The following WDPCP variants were observed in gnomAD, a reference collection of about 807,000 sequenced individuals.
The protein encoded by WDPCP is WD repeat-containing and planar cell polarity effector protein fritz homolog.
Under a neutral mutation model 93.1 loss-of-function variants are expected in WDPCP, and 71 were observed. The observed-to-expected ratio is 0.76, with a 90% confidence interval of 0.63 to 0.93. WDPCP has a LOEUF of 0.93. Among genes scored for constraint, WDPCP ranks in the 40% least tolerant of loss-of-function variants. WDPCP has a pLI of 0.00. For synonymous variants in WDPCP, 315 were observed against 315.0 expected (o/e 1.00, Z 0.00); for missense variants, 844 against 887.4 (o/e 0.95, Z 0.62).
intron 9 of WDPCP, among the ~76,000 whole-genome samples, chr2:63,415,775 C>A (rs1695371133): frequency 6.6e-6 from 1 of 152,046 alleles, no homozygotes; most frequent in Non-Finnish European, 1.5e-5. Flanking sequence ...GCTGAGGGAG[C>A]CCCCACAGAA....
intron 1 of WDPCP, among the ~76,000 whole-genome samples, chr2:63,494,284 T>TAATGACGAC (rs1701074223): frequency 2.7e-5 from 1 of 37,646 alleles, no homozygotes; most frequent in Non-Finnish European, 4.2e-5. Flanking sequence ...ATGATGATGA[T>TAATGACGAC]GATGACGACG....
chr2:63,472,758 C>T (rs1473713325), intron 6 of WDPCP, among the ~76,000 whole-genome samples: 2 of 152,070 alleles, frequency 1.3e-5, no homozygotes, highest in Admixed American at 6.6e-5. Context: ...CAGGGTTTTG[C>T]CACATTGGCC....
intron 1 of WDPCP, among the ~76,000 whole-genome samples, chr2:63,587,443 G>C (rs1044718082): frequency 2.6e-5 from 4 of 152,126 alleles, no homozygotes; most frequent in Non-Finnish European, 5.9e-5. Flanking sequence ...TAAAAGTAAA[G>C]CATTACATTT....
intron 2 of WDPCP, among the ~76,000 whole-genome samples, chr2:63,750,865 C>T (rs1322445117): frequency 6.6e-6 from 1 of 151,926 alleles, no homozygotes; most frequent in Non-Finnish European, 1.5e-5. Flanking sequence ...ATATATATTG[C>T]TGCAATCAAT....
chr2:63,475,318 T>C (rs565260137), intron 6 of WDPCP, among the ~76,000 whole-genome samples: 141 of 152,154 alleles, frequency 9.3e-4, no homozygotes, highest in Non-Finnish European at 5.9e-4. Flanking sequence ...CCTTTCTCTT[T>C]CTGCTTGCCT....
chr2:63,603,697 G>A (rs1321654162), intron 3 of WDPCP, among the ~76,000 whole-genome samples: 6 of 122,026 alleles, frequency 4.9e-5, no homozygotes, highest in African/African-American at 1.9e-4. Context: ...TCGCTGCATC[G>A]CCCATGCTGG....
At chr2:63,298,153 G>C (rs768481992) in intron 13 of WDPCP, among the ~76,000 whole-genome samples, 22 of 152,150 alleles carry the variant, frequency 1.4e-4, no homozygotes, top group Non-Finnish European at 3.1e-4. Context: ...AGTCCAATTA[G>C]AGGGTAAGTA....
chr2:63,138,366 G>A (rs547744647), intron 17 of WDPCP, among the ~76,000 whole-genome samples: 9 of 151,878 alleles, frequency 5.9e-5, no homozygotes, highest in Middle Eastern at 3.4e-3. Flanking sequence ...CCTTGGCAAC[G>A]CCAGATATTG....
intron 14 of WDPCP, among the ~76,000 whole-genome samples, chr2:63,204,120 C>G (rs895372617): frequency 7.9e-5 from 12 of 152,064 alleles, no homozygotes; most frequent in Non-Finnish European, 1.5e-4. Context: ...TTTTGAGGAA[C>G]CTCCAACCTG....
At chr2:63,465,184 C>T (rs185375496) in intron 6 of WDPCP, among the ~76,000 whole-genome samples, 1 of 151,942 alleles carries the variant, frequency 6.6e-6, no homozygotes, top group Non-Finnish European at 1.5e-5. Flanking sequence ...CTGTGCCAGA[C>T]ACTGTGCTAA....
chr2:63,650,458 C>G (rs1194119008), intron 3 of WDPCP, among the ~76,000 whole-genome samples: 1 of 152,186 alleles, frequency 6.6e-6, no homozygotes, highest in Admixed American at 6.5e-5. Flanking sequence ...CTTGCCCCGC[C>G]CAGTGACTTT....
At chr2:63,364,602 CACT>C (rs1320987833) in intron 12 of WDPCP, among the ~76,000 whole-genome samples, 1 of 152,156 alleles carries the variant, frequency 6.6e-6, no homozygotes, top group African/African-American at 2.4e-5. Flanking sequence ...CCAAACCCAC[CACT>C]GTGATAGCAC....
chr2:63,713,189 A>G (rs1190820199), intron 2 of WDPCP, among the ~76,000 whole-genome samples: 1 of 152,142 alleles, frequency 6.6e-6, no homozygotes, highest in Non-Finnish European at 1.5e-5. Context: ...CTTTGTTTCT[A>G]ATGTTTCCAT....
chr2:63,608,781 G>A (rs1432448936), intron 3 of WDPCP, among the ~76,000 whole-genome samples: 1 of 152,138 alleles, frequency 6.6e-6, no homozygotes, highest in African/African-American at 2.4e-5. Context: ...CTGCACTCCA[G>A]CCTAGGCAAC....
chr2:63,503,471 T>C (rs1050777522), intron 1 of WDPCP, among the ~76,000 whole-genome samples: 15 of 152,140 alleles, frequency 9.9e-5, no homozygotes, highest in East Asian at 3.9e-4. Context: ...ATATCAGGCA[T>C]TGGGGGGAGG....
intron 12 of WDPCP, among the ~76,000 whole-genome samples, chr2:63,323,782 G>C (rs751451971): frequency 6.6e-6 from 1 of 152,104 alleles, no homozygotes; most frequent in South Asian, 2.1e-4. Flanking sequence ...AGAATGCGTT[G>C]GTAAGGGCCA....
intron 2 of WDPCP, among the ~76,000 whole-genome samples, chr2:63,727,550 T>C (rs1669509431): frequency 6.6e-6 from 1 of 152,244 alleles, no homozygotes; most frequent in South Asian, 2.1e-4. Context: ...GGTATCAGCA[T>C]GATGTTGGCC....
chr2:63,532,156 G>C (rs1703905683), intron 1 of WDPCP, among the ~76,000 whole-genome samples: 1 of 151,972 alleles, frequency 6.6e-6, no homozygotes, highest in African/African-American at 2.4e-5. Flanking sequence ...AAGAGAAGTT[G>C]AGAGAAAAAA....
chr2:63,680,654 G>T (rs1372582102), intron 2 of WDPCP, among the ~76,000 whole-genome samples: 3 of 152,258 alleles, frequency 2.0e-5, no homozygotes, highest in South Asian at 4.1e-4. Context: ...GTGCTGTTCT[G>T]GGCTTGGAGC....
Sources: gnomAD v4.1 joint callset for allele counts (sites outside exome capture counted in the v4.1 genomes callset) on GRCh38, gnomAD v4.1.1 for gene constraint, MANE v1.5 for transcripts, NCBI Gene and HGNC (gene_info 2026-07-23, HGNC 2026-07-21) for gene names.